Variants in TAFA4 observed in about 807,000 individuals in gnomAD.
The protein encoded by TAFA4 is chemokine-like protein TAFA-4.
A neutral mutation model predicts 21.1 loss-of-function variants in TAFA4; 20 were observed. The ratio of observed to expected loss-of-function variants is 0.95; its 90% confidence interval spans 0.67 to 1.38. TAFA4 has a LOEUF of 1.38. Among genes scored for constraint, TAFA4 ranks in the 40% most tolerant of loss-of-function variants. The probability of loss-of-function intolerance (pLI) is 0.00; values close to 1 mark genes in which losing one functional copy is unlikely to be tolerated. For missense variants in TAFA4, 211 were observed against 180.9 expected (o/e 1.17, Z -0.95); for synonymous variants, 71 against 67.4 (o/e 1.05, Z -0.26).
rs10707666 is a variant in TAFA4, at chr3:68,904,065, TAAAA to T, written c.-122-18759_-122-18756del. ...TGTTGCAGAATGGTTTTTAGAAAGTTAAAAAAAAAAAAAAAACAATTTGCCATGT... is the reference window on the plus strand; with the variant it reads ...TGTTGCAGAATGGTTTTTAGAAAGTTAAAAAAAAAAAACAATTTGCCATGT... On this transcript the variant is annotated intron_variant, in intron 1 of 5. Transcript: ENST00000295569. Among the ~76,000 whole-genome samples the T allele has an allele frequency of 2.8e-5, 4 of 143,458 alleles. No homozygotes were observed. The South Asian group carries it at 9.1e-4, about 33-fold the overall frequency. The allele number at this position is 143,458 out of a possible 152,430, so 94.1% of individuals were successfully genotyped here.
At chr3:68,822,597 G>T (rs141526699) in intron 3 of TAFA4, among the ~76,000 whole-genome samples, 75 of 152,164 alleles carry the variant, frequency 4.9e-4, no homozygotes, top group African/African-American at 1.5e-3. Context: ...TCGGCCTCCC[G>T]AGTAGCCTGG....
chr3:68,792,325 C>T (rs1703377508), intron 3 of TAFA4, among the ~76,000 whole-genome samples: 1 of 152,076 alleles, frequency 6.6e-6, no homozygotes, highest in Non-Finnish European at 1.5e-5. Context: ...TAGACTCACC[C>T]ATTGACAATC....
intron 1 of TAFA4, among the ~76,000 whole-genome samples, chr3:68,895,306 T>C (rs950408322): frequency 6.6e-5 from 10 of 152,326 alleles, no homozygotes; most frequent in South Asian, 4.1e-4. Context: ...CCTTAATTTT[T>C]GTATTTTCAG....
chr3:68,845,972 T>A (rs920531554), intron 3 of TAFA4, among the ~76,000 whole-genome samples: 4 of 152,202 alleles, frequency 2.6e-5, no homozygotes, highest in Non-Finnish European at 5.9e-5. Flanking sequence ...TCAACCTTGG[T>A]CAATCTGGCA....
intron 5 of TAFA4, among the ~76,000 whole-genome samples, chr3:68,733,512 G>A (rs1702188217): frequency 6.6e-6 from 1 of 152,152 alleles, no homozygotes; most frequent in African/African-American, 2.4e-5. Flanking sequence ...ATTAAAATCA[G>A]TGCATGTCAA....
intron 3 of TAFA4, among the ~76,000 whole-genome samples, chr3:68,796,916 G>T (rs9867187): frequency 0.39 from 59,457 of 151,848 alleles, 12,241 homozygotes; most frequent in Non-Finnish European, 0.46. Context: ...GAAATGCAAG[G>T]CAATACCACA....
chr3:68,742,170 T>TAAAAACTCTCAACAAA (rs1702368699), intron 4 of TAFA4, among the ~76,000 whole-genome samples: 1 of 152,206 alleles, frequency 6.6e-6, no homozygotes, highest in African/African-American at 2.4e-5. Flanking sequence ...CCCTTTATGA[T>TAAAAACTCTCAACAAA]AAAAACTCTC....
At chr3:68,739,291 T>C in intron 4 of TAFA4, 92 bp from the exon 5 acceptor site, 1 of 1,420,802 alleles carries the variant, frequency 7.0e-7, no homozygotes, top group South Asian at 1.3e-5. Context: ...TACACTGAGT[T>C]CAAAGATTGC....
At chr3:68,877,162 C>G (rs1022415334) in intron 3 of TAFA4, among the ~76,000 whole-genome samples, 2 of 152,010 alleles carry the variant, frequency 1.3e-5, no homozygotes, top group African/African-American at 4.8e-5. Flanking sequence ...AGTTCGAGAC[C>G]AGCCTGGATA....
intron 3 of TAFA4, among the ~76,000 whole-genome samples, chr3:68,816,025 T>G (rs972279524): frequency 2.6e-5 from 4 of 152,190 alleles, no homozygotes; most frequent in Non-Finnish European, 5.9e-5. Context: ...GGGACATATA[T>G]GTAGCTGGAA....
chr3:68,914,992 A>C (rs1256636695), intron 1 of TAFA4, among the ~76,000 whole-genome samples: 1 of 152,230 alleles, frequency 6.6e-6, no homozygotes, highest in Non-Finnish European at 1.5e-5. Flanking sequence ...TCCCACTATA[A>C]CAGTAGCTAT....
At chr3:68,753,262 G>A (rs898925271) in intron 3 of TAFA4, among the ~76,000 whole-genome samples, 5 of 151,696 alleles carry the variant, frequency 3.3e-5, no homozygotes, top group Non-Finnish European at 7.4e-5. Context: ...AACCCCTGGG[G>A]TCACACTCAT....
chr3:68,930,439 T>C (rs1398942788), intron 1 of TAFA4, among the ~76,000 whole-genome samples: 1 of 152,172 alleles, frequency 6.6e-6, no homozygotes, highest in Non-Finnish European at 1.5e-5. Flanking sequence ...CAAGTCAAAT[T>C]GTGACTTGAA....
intron 3 of TAFA4, among the ~76,000 whole-genome samples, chr3:68,772,419 A>G (rs1375437380): frequency 6.6e-6 from 1 of 152,178 alleles, no homozygotes; most frequent in African/African-American, 2.4e-5. Flanking sequence ...GGTGAGTGCC[A>G]TCCAATTAGC....
chr3:68,917,769 AAAAAG>A (rs1559562933), intron 1 of TAFA4, among the ~76,000 whole-genome samples: 8 of 150,980 alleles, frequency 5.3e-5, no homozygotes, highest in Non-Finnish European at 5.9e-5. Context: ...AAAAAAAAAA[AAAAAG>A]AAAGTTCCCA....
In TAFA4 at chr3:68,819,184, C is replaced by T. The variant is rs549594469; in HGVS notation, c.130+61546G>A. ...CTATCTGAAGGCTGAGGTGGGAGAA[C>T]CACTTGAGCCTGGAGGCGGAGGTTG... On this transcript the variant is annotated intron_variant, in intron 3 of 5. Transcript: ENST00000295569. 6.1e-4 allele frequency among the ~76,000 whole-genome samples: 92 copies of T among 150,238 alleles called. 1 individual carries two copies. In the South Asian group the frequency reaches 0.019, roughly 31 times the overall value.
chr3:68,807,558 CTCT>C (rs77897238), intron 3 of TAFA4, among the ~76,000 whole-genome samples: 9,017 of 152,210 alleles, frequency 0.059, 598 homozygotes, highest in East Asian at 0.23. Context: ...ATCTTCACTA[CTCT>C]TAATGATCTG....
chr3:68,756,384 G>T (rs750266578), intron 3 of TAFA4, among the ~76,000 whole-genome samples: 1 of 152,182 alleles, frequency 6.6e-6, no homozygotes, highest in African/African-American at 2.4e-5. Flanking sequence ...TGTGTGAATT[G>T]TAAGCAATTT....
intron 1 of TAFA4, among the ~76,000 whole-genome samples, chr3:68,897,540 C>T (rs140283112): frequency 0.2 from 30,414 of 151,528 alleles, 3,659 homozygotes; most frequent in East Asian, 0.5. Context: ...GCAGAAGAAT[C>T]GCTTGAACCC....
Sources: allele counts gnomAD v4.1 joint callset (sites outside exome capture counted in the v4.1 genomes callset), GRCh38; gene constraint gnomAD v4.1.1; transcripts MANE v1.5; gene names NCBI Gene and HGNC (gene_info 2026-07-23, HGNC 2026-07-21).